Variants in INSYN2A observed in about 807,000 individuals in gnomAD.
The protein encoded by INSYN2A is family with sequence similarity 196 member A.
A neutral mutation model predicts 39.4 loss-of-function variants in INSYN2A; 17 were observed. The observed-to-expected ratio is 0.43, with a 90% CI of 0.30 to 0.65. The LOEUF (loss-of-function observed/expected upper bound fraction) is 0.65, where lower values mean the gene tolerates loss of function less well. Ranked by LOEUF, INSYN2A falls within the 30% of genes least tolerant of loss-of-function variation. INSYN2A has a pLI of 0.14. For missense variants in INSYN2A, 595 were observed against 631.2 expected, an observed-to-expected ratio of 0.94 and a Z score of 0.61; for synonymous variants, 255 against 265.7, an observed-to-expected ratio of 0.96 and a Z score of 0.39.
At chr10:127,195,572 A>G (rs1249064821) in intron 1 of INSYN2A, among the ~76,000 whole-genome samples, 1 of 147,864 alleles carries the variant, frequency 6.8e-6, no homozygotes, top group East Asian at 2.0e-4. Context: ...AGGGCGCTTT[A>G]GTTTGGAAAA....
chr10:127,169,778 C>CT (rs1286960873), intron 4 of INSYN2A, among the ~76,000 whole-genome samples: 6 of 152,206 alleles, frequency 3.9e-5, no homozygotes, highest in Admixed American at 2.0e-4. Flanking sequence ...GTCCATGAGA[C>CT]TAAGTCCTTA....
At chr10:127,181,676 G>A (rs948313906) in intron 2 of INSYN2A, among the ~76,000 whole-genome samples, 1 of 152,170 alleles carries the variant, frequency 6.6e-6, no homozygotes, top group Non-Finnish European at 1.5e-5. Flanking sequence ...TGCCAAGGGG[G>A]TGCCTGAACA....
At chr10:127,150,365 C>A (rs1054810358) in intron 5 of INSYN2A, among the ~76,000 whole-genome samples, 1 of 71,422 alleles carries the variant, frequency 1.4e-5, no homozygotes. Flanking sequence ...TCAGTGGGAC[C>A]CTGAGGGAAG....
intron 4 of INSYN2A, among the ~76,000 whole-genome samples, chr10:127,162,418 T>G (rs776223772): frequency 6.6e-6 from 1 of 152,210 alleles, no homozygotes; most frequent in Non-Finnish European, 1.5e-5. Context: ...CCATATAGAT[T>G]AAAGGATTTT....
intron 5 of INSYN2A, among the ~76,000 whole-genome samples, chr10:127,149,827 C>T (rs1490458154): frequency 1.3e-5 from 2 of 152,182 alleles, no homozygotes; most frequent in African/African-American, 2.4e-5. Flanking sequence ...GCTACCCAAT[C>T]CCGGGGTGTT....
At chr10:127,174,341 G>A (rs912686142) in intron 4 of INSYN2A, among the ~76,000 whole-genome samples, 2 of 152,152 alleles carry the variant, frequency 1.3e-5, no homozygotes, top group South Asian at 2.1e-4. Context: ...GGCGAAGTCC[G>A]ATAACCCCCA....
rs142827153 is a variant in INSYN2A, at chr10:127,161,468, C to A, written c.1185-7545G>T. On this transcript the variant is annotated intron_variant, in intron 4 of 5. Transcript: ENST00000522781. ...TGAGCAGTTATGAGATCCTTGCTGG[C>A]CTTGGATCTCCAAGTAGACAAAGTA... is the stretch of plus-strand genomic sequence containing the variant. Among the ~76,000 whole-genome samples the A allele has an allele frequency of 5.3e-5, 8 of 152,248 alleles. No individual in the cohort carries two copies. In the East Asian group the frequency reaches 1.5e-3, roughly 29 times the overall value.
chr10:127,195,646 C>A (rs938169103), intron 1 of INSYN2A, among the ~76,000 whole-genome samples: 1 of 152,178 alleles, frequency 6.6e-6, no homozygotes, highest in Non-Finnish European at 1.5e-5. Flanking sequence ...TTTTGCCTGG[C>A]TAGGGCTGTC....
intron 2 of INSYN2A, among the ~76,000 whole-genome samples, chr10:127,182,358 G>A (rs2055819960): frequency 6.6e-6 from 1 of 152,090 alleles, no homozygotes; most frequent in African/African-American, 2.4e-5. Context: ...AACCACAAAG[G>A]CTCACACTGG....
chr10:127,152,788 G>A (rs1182994968), intron 5 of INSYN2A, among the ~76,000 whole-genome samples: 4 of 152,174 alleles, frequency 2.6e-5, no homozygotes, highest in Admixed American at 2.0e-4. Flanking sequence ...TGTGGCCTTC[G>A]GTGCCTATCT....
At chr10:127,192,840 C>A (rs907406076) in intron 1 of INSYN2A, 110 bp from the exon 2 acceptor site, 2 of 152,204 alleles carry the variant, frequency 1.3e-5, no homozygotes, top group Admixed American at 6.5e-5. Context: ...GCAATCCTGT[C>A]AGGGTCCCTA....
At chr10:127,138,233 C>G (rs552723054) in intron 5 of INSYN2A, among the ~76,000 whole-genome samples, 20 of 152,174 alleles carry the variant, frequency 1.3e-4, no homozygotes, top group Non-Finnish European at 4.4e-5. Context: ...TTACTTGCTT[C>G]TGTAGGTGAA....
chr10:127,160,115 G>T (rs1354121212), intron 4 of INSYN2A, among the ~76,000 whole-genome samples: 3 of 146,934 alleles, frequency 2.0e-5, no homozygotes, highest in Admixed American at 6.8e-5. Flanking sequence ...AACATGAATT[G>T]TTTGGTTAAA....
rs141648920 is a variant in INSYN2A, at chr10:127,147,616, C to G, written c.1256+6236G>C. Among the ~76,000 whole-genome samples the G allele has an allele frequency of 4.6e-5, 7 of 152,218 alleles. No homozygotes were observed. The East Asian group carries it at 1.4e-3, about 30-fold the overall frequency. ...GCAGCTTCACACTCCTCCCAGTCTC[C>G]CAGGGCCTGGTGCAGAACTTGTCCT... is the stretch of plus-strand genomic sequence containing the variant. On this transcript the variant is annotated intron_variant, in intron 5 of 5. Transcript: ENST00000522781.
chr10:127,139,504 A>G (rs2051020189), intron 5 of INSYN2A, among the ~76,000 whole-genome samples: 2 of 152,206 alleles, frequency 1.3e-5, no homozygotes, highest in African/African-American at 4.8e-5. Context: ...TCTAATTTAT[A>G]GGAAGTAGAA....
In INSYN2A at chr10:127,137,925, T is replaced by G. The variant is rs760593223; in HGVS notation, c.1352A>C (p.Tyr451Ser). 3.1e-6 allele frequency: 5 copies of G among 1,613,970 alleles called. No homozygotes were observed. In the African/African-American group the frequency reaches 5.3e-5, roughly 17 times the overall value. The change falls in exon 6 of 6, where the codon TAC becomes TCC. Residue 451 changes from tyrosine (Y) to serine (S), a missense_variant. By Grantham distance (144) the Tyr-to-Ser change is moderately radical. Around this residue, in one of 2 missense-constraint regions of INSYN2A, gnomAD observed 117 missense variants for 163.8 expected, o/e 0.71. Coordinates refer to ENST00000522781, the MANE Select transcript of INSYN2A (RefSeq NM_001039762.3). ...IEETQVIPSP[Y>S]SQETYSSTPK... ...AGTTGAGGAGTAAGTCTCCTGAGAG[T>G]AAGGCGAAGGTATGACCTGAGTTTC...
At chr10:127,179,602 G>C (rs1016350351) in intron 2 of INSYN2A, among the ~76,000 whole-genome samples, 1 of 152,134 alleles carries the variant, frequency 6.6e-6, no homozygotes, top group Non-Finnish European at 1.5e-5. Context: ...TACTAAGGTG[G>C]ACACATCTTT....
intron 4 of INSYN2A, among the ~76,000 whole-genome samples, chr10:127,166,358 C>T (rs913864273): frequency 1.3e-4 from 19 of 151,940 alleles, no homozygotes; most frequent in African/African-American, 4.6e-4. Context: ...AGCCACCGCG[C>T]CCGGCCCAAA....
At chr10:127,154,362 C>T (rs563600317) in intron 4 of INSYN2A, among the ~76,000 whole-genome samples, 27 of 152,254 alleles carry the variant, frequency 1.8e-4, no homozygotes, top group Non-Finnish European at 3.4e-4. Context: ...CCCGCCGGGG[C>T]CTGGTTTTGT....
Sources: gnomAD v4.1 joint callset for allele counts (sites outside exome capture counted in the v4.1 genomes callset) on GRCh38, gnomAD v4.1.1 for gene constraint, gnomAD v4.1.1 regional missense constraint, MANE v1.5 for transcripts, NCBI Gene and HGNC (gene_info 2026-07-23, HGNC 2026-07-21) for gene names.